SORL1: variants seen among roughly 807,000 people sequenced by gnomAD.
The protein encoded by SORL1 is sortilin-related receptor.
A neutral mutation model predicts 273.7 loss-of-function variants in SORL1; 127 were observed. The observed-to-expected ratio is 0.46, with a 90% CI of 0.40 to 0.54. SORL1 has a LOEUF of 0.54. Among genes scored for constraint, SORL1 ranks in the 20% least tolerant of loss-of-function variants. The pLI is 0.00. For synonymous variants in SORL1, 1,031 were observed against 1,067.4 expected, an observed-to-expected ratio of 0.97 and a Z score of 0.66; for missense variants, 2,494 against 2,846.1, an observed-to-expected ratio of 0.88 and a Z score of 2.81.
Position 121,606,925 on chromosome 11 carries a change from A to C in SORL1, c.5029A>C (p.Ile1677Leu), listed in dbSNP as rs753757056. 2.7e-5 allele frequency: 43 copies of C among 1,613,776 alleles called. No homozygotes were observed. The Admixed American group carries it at 6.0e-4, about 23-fold the overall frequency. Residue 1677 changes from isoleucine to leucine, a missense_variant, in exon 36 of 48, where the codon ATC becomes CTC. By Grantham distance (5) the Ile-to-Leu change is conservative (BLOSUM62 2). This residue lies in a region of SORL1 where 1,609 missense variants were observed against 1,816.4 expected (regional missense o/e 0.89). Transcript: ENST00000260197. ...GATTGTAGGCCACTGGGCTCCTCCC[A>C]TCCACACCCATGGCCTCATCCGTGA... ...GVIVGHWAPP[I>L]HTHGLIREYI...
chr11:121,621,307 G>A, intron 44 of SORL1, 69 bp downstream of exon 44: 1 of 1,377,236 alleles, frequency 7.3e-7, no homozygotes, highest in Non-Finnish European at 1.0e-6. Flanking sequence ...TAGACCTCCA[G>A]AGACAGACTT....
chr11:121,458,252 G>A (rs1407357559), intron 1 of SORL1, among the ~76,000 whole-genome samples: 2 of 152,176 alleles, frequency 1.3e-5, no homozygotes, highest in African/African-American at 2.4e-5. Flanking sequence ...CTATTGATAA[G>A]GGAAATGGCT....
chr11:121,552,468 G>C (rs965356158), intron 16 of SORL1, among the ~76,000 whole-genome samples: 2 of 152,204 alleles, frequency 1.3e-5, no homozygotes, highest in Non-Finnish European at 2.9e-5. Context: ...AAAAAGCCCA[G>C]AGTGACAGAA....
rs1863451903 is a variant in SORL1 at position 121,605,256 on chromosome 11, T to C, written c.4778+17T>C. 1 of 1,603,796 alleles carries C rather than the reference T, an allele frequency of 6.2e-7. No homozygotes were observed. The highest frequency in any genetic ancestry group is 1.3e-5 in the African/African-American group (1 of 74,440). On this transcript the variant is annotated intron_variant, in intron 34 of 47. Transcript: ENST00000260197. Reference sequence around the variant, plus strand: ...CTACTACAGGTAGGTCCCATCTTTGTCATGGGAGATGAAAATGATGTCTTC... The same window carrying C: ...CTACTACAGGTAGGTCCCATCTTTGCCATGGGAGATGAAAATGATGTCTTC...
At chr11:121,622,734 T>G (rs895025979) in intron 45 of SORL1, among the ~76,000 whole-genome samples, 2 of 152,252 alleles carry the variant, frequency 1.3e-5, no homozygotes, top group Non-Finnish European at 2.9e-5. Context: ...GAAGATACTG[T>G]GCTAACTTAT....
chr11:121,580,188 G>C (rs1862992261), intron 25 of SORL1, among the ~76,000 whole-genome samples: 1 of 152,186 alleles, frequency 6.6e-6, no homozygotes, highest in South Asian at 2.1e-4. Context: ...ACAACTCTGG[G>C]AAGTTACAGC....
At chr11:121,533,142 A>C (rs1862225543) in intron 12 of SORL1, among the ~76,000 whole-genome samples, 1 of 152,052 alleles carries the variant, frequency 6.6e-6, no homozygotes, top group Non-Finnish European at 1.5e-5. Flanking sequence ...TATTACATAG[A>C]AAGACTAATA....
In SORL1 at chr11:121,574,290, G is replaced by T. The variant is rs371319784; in HGVS notation, c.3387G>T (p.Gly1129=). ...LDTQFRCQES[G]TCIPLSYKCD... is the part of the protein sequence containing the mutation. ...CCCAGTTTCGTTGCCAGGAGTCTGG[G>T]ACTTGTATCCCACTGTCCTATAAAT... Residue 1129 remains glycine (G), a synonymous_variant, in exon 24 of 48, where the codon GGG becomes GGT. Transcript: ENST00000260197. 6 of 1,613,848 alleles carry T rather than the reference G, an allele frequency of 3.7e-6. No individual in the cohort carries two copies. The highest frequency in any genetic ancestry group is 5.1e-6 in the Non-Finnish European group (6 of 1,179,750).
At chr11:121,583,665 A>G in intron 26 of SORL1, 82 bp downstream of exon 26, 1 of 1,461,562 alleles carries the variant, frequency 6.8e-7, no homozygotes, top group Admixed American at 2.3e-5. Flanking sequence ...GAGCCAGGGG[A>G]TGAAATGCTG....
chr11:121,588,060 C>T lies in SORL1; in HGVS notation c.3855C>T (p.Asn1285=), dbSNP rs753889844. ...ACTTCATGGACTTTGTGTGTAAGAA[C>T]CGCCAGCAGTGCCTGTTCCACTCCA... ...CTHFMDFVCK[N]RQQCLFHSMV... is the part of the protein sequence containing the mutation. The change falls in exon 28 of 48, where the codon AAC becomes AAT. Residue 1285 remains asparagine (N), a synonymous_variant. Coordinates refer to ENST00000260197, the MANE Select transcript of SORL1 (RefSeq NM_003105.6). 6.8e-6 allele frequency: 11 copies of T among 1,613,636 alleles called. No individual in the cohort carries two copies. Among genetic ancestry groups the T allele is most frequent in the East Asian group, 2.2e-5 (1 of 44,846 alleles).
At chr11:121,509,278 T>G (rs1861837469) in intron 6 of SORL1, among the ~76,000 whole-genome samples, 1 of 152,162 alleles carries the variant, frequency 6.6e-6, no homozygotes, top group Non-Finnish European at 1.5e-5. Context: ...ACCCATTTTC[T>G]CTAGCTGAGC....
chr11:121,496,189 G>A (rs949064601), intron 5 of SORL1, among the ~76,000 whole-genome samples: 3 of 152,256 alleles, frequency 2.0e-5, no homozygotes, highest in African/African-American at 7.2e-5. Context: ...GAATTGGATG[G>A]AGGGATCAGA....
chr11:121,579,427 C>T (rs968236738), intron 25 of SORL1, among the ~76,000 whole-genome samples: 3 of 152,222 alleles, frequency 2.0e-5, no homozygotes, highest in Non-Finnish European at 4.4e-5. Context: ...AGCTTGGATG[C>T]GCACTCTGCT....
Position 121,550,532 on chromosome 11 carries a change from T to A in SORL1, c.2181-53T>A, listed in dbSNP as rs1223680374. The A allele has an allele frequency of 3.3e-6, 5 of 1,524,528 alleles. No individual in the cohort carries two copies. Among genetic ancestry groups the A allele is most frequent in the Non-Finnish European group, 4.5e-6 (5 of 1,098,940 alleles). 94.4% of individuals were successfully genotyped at this position (1,524,528 alleles called of 1,614,324 possible). A position where few individuals can be genotyped will look rare whatever the true frequency, so the allele number is the denominator to read the frequency against. ...AAGTGTATTCCCAGCTGGGATGCCT[T>A]TGTGGCTATTCTTCCATGTTTCTGA... On this transcript the variant is annotated intron_variant, in intron 15 of 47. Coordinates refer to ENST00000260197, the MANE Select transcript of SORL1 (RefSeq NM_003105.6). This position sits in a 1 kb window ranked among gnomAD's most constrained non-coding sequence, Gnocchi z 5.3.
rs556210898 is a variant in SORL1 at position 121,535,146 on chromosome 11, T to G, written c.1685+2594T>G. 5.9e-5 allele frequency among the ~76,000 whole-genome samples: 9 copies of G among 152,200 alleles called. No homozygotes were observed. In the East Asian group the frequency reaches 1.5e-3, roughly 26 times the overall value. On this transcript the variant is annotated intron_variant, in intron 12 of 47. Transcript: ENST00000260197. ...GAGGAGACCGAGCTAGTGTGCCAAT[T>G]GCACAGCTCCAAGGGGACCACTGCC... is the stretch of plus-strand genomic sequence containing the variant.
In SORL1 at chr11:121,452,702, C is replaced by T; in HGVS notation, c.285+86C>T. The T allele has an allele frequency of 6.4e-6, 8 of 1,255,742 alleles. No homozygotes were observed. The highest frequency in any genetic ancestry group is 1.8e-5 in the South Asian group (1 of 54,320). The allele number at this position is 1,255,742 out of a possible 1,614,324, so 77.8% of individuals were successfully genotyped here. On this transcript the variant is annotated intron_variant, in intron 1 of 47. Transcript: ENST00000260197. The surrounding 1 kb of genome is among the most constrained non-coding windows in gnomAD (Gnocchi z 5.3). ...CCGCATCCATCCGTTGCAGTCGCCT[C>T]CTAGGTGCAGGCACCACTGGGGACT...
Position 121,470,049 on chromosome 11 carries a change from G to T in SORL1, c.328G>T (p.Ala110Ser), listed in dbSNP as rs1401362358. 1 of 1,614,150 alleles carries T rather than the reference G, an allele frequency of 6.2e-7. No homozygotes were observed. The highest frequency in any genetic ancestry group is 2.2e-5 in the East Asian group (1 of 44,876). ...DSHNQMVVHWAGEKSNVIVAL... is the reference protein window; with the variant it reads ...DSHNQMVVHWSGEKSNVIVAL... ...CCACAATCAGATGGTGGTGCACTGG[G>T]CTGGAGAGAAAAGCAACGTGATCGT... Residue 110 changes from alanine (A) to serine (S), a missense_variant, in exon 2 of 48, where the codon GCT (alanine) becomes TCT (serine). This residue lies in a region of SORL1 where 710 missense variants were observed against 882.5 expected (regional missense o/e 0.80). Coordinates refer to ENST00000260197, the MANE Select transcript of SORL1 (RefSeq NM_003105.6).
rs972679116 is a variant in SORL1, at chr11:121,484,722, G to A, written c.529-3310G>A. On this transcript the variant is annotated intron_variant, in intron 3 of 47. Coordinates refer to ENST00000260197, the MANE Select transcript of SORL1 (RefSeq NM_003105.6). ...AAAATGGAATCTCTGTAAGAATTGA[G>A]GGTTAGACTGTAGATTTGAAAGTCA... is the stretch of plus-strand genomic sequence containing the variant. Among the ~76,000 whole-genome samples, 6 of 152,110 alleles carry A rather than the reference G, an allele frequency of 3.9e-5. No individual in the cohort carries two copies. In the South Asian group the frequency reaches 1.2e-3, roughly 32 times the overall value.
intron 12 of SORL1, among the ~76,000 whole-genome samples, chr11:121,542,298 C>T (rs906048931): frequency 6.6e-6 from 1 of 152,182 alleles, no homozygotes; most frequent in African/African-American, 2.4e-5. Context: ...CCACTTTTCC[C>T]CTTCAATCCG....
Sources: gnomAD v4.1 joint callset for allele counts (sites outside exome capture counted in the v4.1 genomes callset) on GRCh38, gnomAD v4.1.1 for gene constraint, gnomAD v4.1.1 regional missense constraint, Gnocchi (gnomAD v3.1) non-coding constraint, MANE v1.5 for transcripts, NCBI Gene and HGNC (gene_info 2026-07-23, HGNC 2026-07-21) for gene names.